TEX10: variants seen among roughly 807,000 people sequenced by gnomAD.
The protein encoded by TEX10 is testis-expressed protein 10.
In TEX10, 24 loss-of-function variants were observed where a neutral mutation model predicts 104.4. The ratio of observed to expected loss-of-function variants is 0.23; its 90% CI spans 0.17 to 0.32. The LOEUF is 0.32. Among genes scored for constraint, TEX10 ranks in the 10% least tolerant of loss-of-function variants. The pLI, the probability that TEX10 is intolerant of heterozygous loss-of-function variation, is 1.00. For missense variants in TEX10, 921 were observed against 1,083.9 expected (o/e 0.85, Z 2.11); for synonymous variants, 396 against 393.4 (o/e 1.01, Z -0.08).
intron 1 of TEX10, 128 bp downstream of exon 1, chr9:100,352,644 G>A (rs1044443926): frequency 7.0e-7 from 1 of 1,437,828 alleles, no homozygotes; most frequent in East Asian, 2.5e-5. Flanking sequence ...CCGCGGCCCA[G>A]ACCCGGGGGA....
intron 10 of TEX10, 88 bp downstream of exon 10, chr9:100,321,595 C>A: frequency 1.8e-6 from 2 of 1,088,816 alleles, no homozygotes; most frequent in East Asian, 2.4e-5. Context: ...AAAACTGAAC[C>A]AAACTGATAA....
chr9:100,321,615 T>C (rs1834574692), intron 10 of TEX10, 68 bp downstream of exon 10: 1 of 1,299,980 alleles, frequency 7.7e-7, no homozygotes, highest in South Asian at 1.2e-5. Context: ...AAATGGCAAA[T>C]CTTAGAAGGA....
At chr9:100,344,128 A>G (rs1184021036) in intron 4 of TEX10, among the ~76,000 whole-genome samples, 1 of 152,244 alleles carries the variant, frequency 6.6e-6, no homozygotes, top group Non-Finnish European at 1.5e-5. Context: ...AAGGTGAATT[A>G]GAGCATTCTA....
chr9:100,302,934 C>CCA (rs1834038793), intron 14 of TEX10, among the ~76,000 whole-genome samples: 1 of 145,940 alleles, frequency 6.9e-6, no homozygotes, highest in Admixed American at 6.8e-5. Context: ...AACCGCCCCC[C>CCA]CCCCAAACTA....
intron 4 of TEX10, among the ~76,000 whole-genome samples, chr9:100,344,763 T>C (rs1835260940): frequency 6.6e-6 from 1 of 152,186 alleles, no homozygotes; most frequent in Non-Finnish European, 1.5e-5. Context: ...GGAGAATTGC[T>C]TGAACCCAGG....
At chr9:100,310,442 C>A in intron 11 of TEX10, 63 bp from the exon 12 acceptor site, 1 of 1,445,380 alleles carries the variant, frequency 6.9e-7, no homozygotes, top group Non-Finnish European at 9.6e-7. Context: ...ACAAGTTCAA[C>A]AGATTCTTTT....
At chr9:100,330,784 A>G (rs1834842228) in intron 5 of TEX10, among the ~76,000 whole-genome samples, 1 of 152,252 alleles carries the variant, frequency 6.6e-6, no homozygotes, top group African/African-American at 2.4e-5. Flanking sequence ...AGACTGTGGT[A>G]TATTCAACAG....
intron 4 of TEX10, among the ~76,000 whole-genome samples, chr9:100,344,525 G>T (rs1486362887): frequency 6.6e-6 from 1 of 152,018 alleles, no homozygotes; most frequent in East Asian, 1.9e-4. Context: ...AAGAAGCTTG[G>T]AATTTTTACT....
intron 5 of TEX10, among the ~76,000 whole-genome samples, chr9:100,331,618 C>A (rs970845158): frequency 6.6e-5 from 10 of 152,132 alleles, no homozygotes; most frequent in African/African-American, 2.4e-4. Context: ...ATGTTAAGAC[C>A]CGGAACGACA....
chr9:100,302,298 T>C lies in TEX10; in HGVS notation c.2683A>G (p.Lys895Glu), dbSNP rs1285659405. 1 of 1,609,620 alleles carries C rather than the reference T, an allele frequency of 6.2e-7. No individual in the cohort carries two copies. The change falls in exon 15 of 15, where the codon AAG (lysine) becomes GAG (glutamate). Residue 895 changes from lysine (K) to glutamate (E), a missense_variant. This residue lies in a region of TEX10 where 753 missense variants were observed against 868.4 expected (regional missense o/e 0.87). Coordinates refer to ENST00000374902, the MANE Select transcript of TEX10 (RefSeq NM_017746.4). Reference protein sequence around the residue: ...QQIIKNITTLKSGSVQEQWLT... With the variant: ...QQIIKNITTLESGSVQEQWLT... ...CACTGTTCCTGAACACTTCCACTCT[T>C]CAATGTCTGGAGAGAAAAACAAGAG...
intron 5 of TEX10, among the ~76,000 whole-genome samples, chr9:100,336,777 T>C (rs1835021706): frequency 6.6e-6 from 1 of 152,232 alleles, no homozygotes. Context: ...ACCGTTGGCC[T>C]AGACCACTGT....
At chr9:100,350,803 C>A (rs1033276279) in intron 1 of TEX10, among the ~76,000 whole-genome samples, 5 of 152,052 alleles carry the variant, frequency 3.3e-5, no homozygotes, top group Non-Finnish European at 5.9e-5. Context: ...ACAATATATC[C>A]AAATTTACTT....
rs762667725 is a variant in TEX10, at chr9:100,346,940, C to T, written c.647G>A (p.Arg216Gln). 1.4e-5 allele frequency: 22 copies of T among 1,613,974 alleles called. No individual in the cohort carries two copies. The highest frequency in any genetic ancestry group is 1.8e-5 in the Non-Finnish European group (21 of 1,180,024). Residue 216 changes from arginine to glutamine, a missense_variant, in exon 3 of 15, where the codon CGG becomes CAG. This residue lies in a region of TEX10 where 753 missense variants were observed against 868.4 expected (regional missense o/e 0.87). Transcript: ENST00000374902. ...CCTCCATTGCTGAGAAGTGAGTCTC[C>T]GATTAGGATTTACAGAAAGTATCCA... Reference protein sequence around the residue: ...QSWILSVNPNRRLTSQQWRLK... With the variant: ...QSWILSVNPNQRLTSQQWRLK...
intron 2 of TEX10, among the ~76,000 whole-genome samples, chr9:100,348,458 C>T (rs1291431753): frequency 6.6e-6 from 1 of 152,204 alleles, no homozygotes; most frequent in African/African-American, 2.4e-5. Context: ...TTAAGCAACA[C>T]TTCTCAAACT....
chr9:100,321,953 A>T (rs577274944), intron 9 of TEX10, among the ~76,000 whole-genome samples, 182 bp from the exon 10 acceptor site: 2 of 152,316 alleles, frequency 1.3e-5, no homozygotes, highest in East Asian at 3.9e-4. Context: ...CCTAGTATGA[A>T]AGTTTGAAAT....
At chr9:100,343,338 A>AAT (rs1219228977) in intron 4 of TEX10, among the ~76,000 whole-genome samples, 1 of 148,020 alleles carries the variant, frequency 6.8e-6, no homozygotes, top group Non-Finnish European at 1.5e-5. Context: ...AGGGAATGCA[A>AAT]AAAAAAAAAA....
chr9:100,342,422 T>C (rs192167354), intron 4 of TEX10, among the ~76,000 whole-genome samples: 88 of 152,326 alleles, frequency 5.8e-4, no homozygotes, highest in African/African-American at 2.1e-3. Context: ...GAGTCTAGAA[T>C]AGTACTATTC....
intron 11 of TEX10, among the ~76,000 whole-genome samples, chr9:100,316,396 T>C (rs886942346): frequency 2.6e-5 from 4 of 152,074 alleles, no homozygotes; most frequent in Non-Finnish European, 5.9e-5. Flanking sequence ...AGGCCATCCA[T>C]ATATGACAAA....
chr9:100,330,838 G>A (rs1054654468), intron 5 of TEX10, among the ~76,000 whole-genome samples: 16 of 152,232 alleles, frequency 1.1e-4, no homozygotes, highest in African/African-American at 3.9e-4. Context: ...AAAGCTGGCT[G>A]GGTGTGGTGG....
Sources: allele counts gnomAD v4.1 joint callset (sites outside exome capture counted in the v4.1 genomes callset), GRCh38; gene constraint gnomAD v4.1.1; regional missense constraint gnomAD v4.1.1; transcripts MANE v1.5; gene names NCBI Gene and HGNC (gene_info 2026-07-23, HGNC 2026-07-21).